Variants in FYB1 observed in about 807,000 individuals in gnomAD.
FYB1 encodes the protein FYN-binding protein 1.
A neutral mutation model predicts 94.1 loss-of-function variants in FYB1; 41 were observed. The observed-to-expected ratio is 0.44, with a 90% CI of 0.34 to 0.57. The LOEUF is 0.57. Ranked by LOEUF, FYB1 falls within the 20% of genes least tolerant of loss-of-function variation. The probability of loss-of-function intolerance (pLI) is 0.02; values close to 1 mark genes in which losing one functional copy is unlikely to be tolerated. For synonymous variants in FYB1, 367 were observed against 353.2 expected (o/e 1.04, Z -0.44); for missense variants, 1,050 against 976.8 (o/e 1.07, Z -1.00).
chr5:39,242,816 T>C (rs1223213511), intron 1 of FYB1, among the ~76,000 whole-genome samples: 1 of 152,212 alleles, frequency 6.6e-6, no homozygotes, highest in Non-Finnish European at 1.5e-5. Context: ...TTCCTGACTT[T>C]TTAATGATCG....
intron 3 of FYB1, among the ~76,000 whole-genome samples, chr5:39,144,700 G>A (rs995978816): frequency 3.9e-5 from 6 of 152,156 alleles, no homozygotes; most frequent in Admixed American, 2.0e-4. Flanking sequence ...TACCTGGGAG[G>A]CTGAGGCACG....
intron 1 of FYB1, among the ~76,000 whole-genome samples, chr5:39,232,543 A>T (rs891342687): frequency 8.1e-5 from 12 of 148,762 alleles, no homozygotes; most frequent in African/African-American, 3.1e-4. Flanking sequence ...TTATTTATTT[A>T]TTTATTTTTT....
intron 1 of FYB1, among the ~76,000 whole-genome samples, chr5:39,204,916 G>A (rs2150505858): frequency 6.6e-6 from 1 of 152,174 alleles, no homozygotes; most frequent in Non-Finnish European, 1.5e-5. Context: ...TCCTCCCTTT[G>A]CCACTTTTCT....
At chr5:39,210,002 C>A (rs530390129) in intron 1 of FYB1, among the ~76,000 whole-genome samples, 2 of 152,324 alleles carry the variant, frequency 1.3e-5, no homozygotes, top group South Asian at 4.1e-4. Context: ...AGCACCAGGC[C>A]CCTCTTCAAC....
rs140448274 is a variant in FYB1 at position 39,266,072 on chromosome 5, A to G, written c.-28+8331T>C. ...CATCTATTTCTTCATTTCTTCCAGA[A>G]AATTCTACAATTTAAAATGTACCTA... On this transcript the variant is annotated intron_variant, in intron 1 of 1. Coordinates refer to the FYB1 transcript ENST00000510188. Among the ~76,000 whole-genome samples, 261 of 152,334 alleles carry G rather than the reference A, an allele frequency of 1.7e-3. 1 individual carries two copies. The highest frequency in any genetic ancestry group is 5.8e-3 in the African/African-American group (240 of 41,562).
In FYB1 at chr5:39,219,298, T is replaced by C. The variant is rs368580199; in HGVS notation, c.-28+145A>G. ...GTTTTAGTGTCTCCTGTTCATCTCT[T>C]TTGCTATTTTCCAACAGAACATGCG... is the stretch of plus-strand genomic sequence containing the variant. On this transcript the variant is annotated intron_variant, in intron 1 of 18. Transcript: ENST00000512982. 1.9e-5 allele frequency: 7 copies of C among 366,580 alleles called. 1 individual carries two copies. 22.7% of individuals were successfully genotyped at this position (366,580 alleles called of 1,614,324 possible). A position where few individuals can be genotyped will look rare whatever the true frequency, so the allele number is the denominator to read the frequency against.
Position 39,127,780 on chromosome 5 carries a change from T to C in FYB1, c.1868A>G (p.Asp623Gly). 1 of 1,604,526 alleles carries C rather than the reference T, an allele frequency of 6.2e-7. No individual in the cohort carries two copies. Among genetic ancestry groups the C allele is most frequent in the Non-Finnish European group, 8.5e-7 (1 of 1,175,108 alleles). The part of the protein sequence containing the change: ...GGIFPPPPDD[D>G]IYDGIEEEDA... Reference sequence around the variant, plus strand: ...TTCCTCTTCAATCCCATCATAAATGTCATCATCTGGTGGTGGAGGGAATAT... The same window carrying C: ...TTCCTCTTCAATCCCATCATAAATGCCATCATCTGGTGGTGGAGGGAATAT... Residue 623 changes from aspartate (D) to glycine (G), a missense_variant, in exon 11 of 19, where the codon GAC becomes GGC. Asp to Gly is a moderately conservative substitution (Grantham distance 94). Coordinates refer to ENST00000512982, the MANE Select transcript of FYB1 (RefSeq NM_001465.6).
chr5:39,123,734 T>TA (rs1246363326), intron 13 of FYB1, among the ~76,000 whole-genome samples: 1 of 152,108 alleles, frequency 6.6e-6, no homozygotes, highest in African/African-American at 2.4e-5. Context: ...TCGTTCAAAG[T>TA]AAATTTTAAA....
intron 1 of FYB1, among the ~76,000 whole-genome samples, chr5:39,268,645 C>A (rs970219373): frequency 2.6e-5 from 4 of 152,120 alleles, no homozygotes; most frequent in African/African-American, 7.2e-5. Flanking sequence ...CGGCCCACTG[C>A]AACCTCCGTC....
At chr5:39,170,165 AT>A in intron 2 of FYB1, 1 of 775,198 alleles carries the variant, frequency 1.3e-6, no homozygotes. Context: ...CAAGTCTGAT[AT>A]GTCAAATCTG....
rs10641788 is a variant in FYB1 at position 39,230,844 on chromosome 5, TACACACAC to T, written c.-27-27865_-27-27858del. On this transcript the variant is annotated intron_variant, in intron 1 of 1. Transcript: ENST00000510188. The stretch of plus-strand genomic sequence containing the variant: ...GAACTTAGACTTCCCTGTCTCAGTA[TACACACAC>T]ACACACACACACACACACACACACA... 2.9e-3 allele frequency among the ~76,000 whole-genome samples: 417 copies of T among 143,618 alleles called. 3 individuals are homozygous for T. The highest frequency in any genetic ancestry group is 0.017 in the Middle Eastern group (5 of 288). 94.2% of individuals were successfully genotyped at this position (143,618 alleles called of 152,430 possible). A position where few individuals can be genotyped will look rare whatever the true frequency, so the allele number is the denominator to read the frequency against.
intron 16 of FYB1, among the ~76,000 whole-genome samples, chr5:39,118,036 A>T (rs567072898): frequency 1.3e-5 from 2 of 152,154 alleles, no homozygotes; most frequent in East Asian, 3.9e-4. Flanking sequence ...AGTAGCTGGG[A>T]CTACAAGGCG....
chr5:39,222,306 C>T (rs1007160814), upstream of FYB1, among the ~76,000 whole-genome samples: 1 of 152,118 alleles, frequency 6.6e-6, no homozygotes, highest in Admixed American at 6.5e-5. Flanking sequence ...GTAACTGTGG[C>T]TTATTTGTCC....
chr5:39,171,383 G>T (rs1053824249), intron 2 of FYB1, among the ~76,000 whole-genome samples: 2 of 152,104 alleles, frequency 1.3e-5, no homozygotes, highest in Non-Finnish European at 2.9e-5. Flanking sequence ...AGGACTCGCA[G>T]CATCAGCATC....
At chr5:39,107,746 C>G (rs898776879) in intron 18 of FYB1, among the ~76,000 whole-genome samples, 1 of 151,900 alleles carries the variant, frequency 6.6e-6, no homozygotes, top group Admixed American at 6.6e-5. Flanking sequence ...GGTAGTCACT[C>G]TGAACGAGGT....
chr5:39,155,166 A>C (rs777231595), intron 2 of FYB1, among the ~76,000 whole-genome samples: 1 of 152,242 alleles, frequency 6.6e-6, no homozygotes, highest in Non-Finnish European at 1.5e-5. Flanking sequence ...GGTTTTACAC[A>C]GCATGTGACA....
chr5:39,180,666 C>A (rs935620466), intron 2 of FYB1, among the ~76,000 whole-genome samples: 2 of 152,158 alleles, frequency 1.3e-5, no homozygotes, highest in Non-Finnish European at 2.9e-5. Context: ...GCTGCTGCCT[C>A]CACGAAGTGG....
intron 10 of FYB1, among the ~76,000 whole-genome samples, chr5:39,129,118 C>T (rs1052793235): frequency 6.6e-6 from 1 of 151,906 alleles, no homozygotes; most frequent in African/African-American, 2.4e-5. Context: ...GAAACAAAAA[C>T]CAATGAAACA....
rs10079798 is a variant in FYB1 at position 39,176,711 on chromosome 5, G to A, written c.1136-23107C>T. 4.1e-3 allele frequency among the ~76,000 whole-genome samples: 629 copies of A among 152,240 alleles called. 10 individuals are homozygous for A. The highest frequency in any genetic ancestry group is 0.014 in the African/African-American group (566 of 41,532). On this transcript the variant is annotated intron_variant, in intron 2 of 18. Coordinates refer to ENST00000512982, the MANE Select transcript of FYB1 (RefSeq NM_001465.6). Reference sequence around the variant, plus strand: ...AAATTGTGGGAAAGGAAACAAAGACGAAAACATTAGTTTTTCAGAAATGAG... The same window carrying A: ...AAATTGTGGGAAAGGAAACAAAGACAAAAACATTAGTTTTTCAGAAATGAG...
Sources: gnomAD v4.1 joint callset for allele counts (sites outside exome capture counted in the v4.1 genomes callset) on GRCh38, gnomAD v4.1.1 for gene constraint, MANE v1.5 for transcripts, NCBI Gene and HGNC (gene_info 2026-07-23, HGNC 2026-07-21) for gene names.